BORCS5: variants seen among roughly 807,000 people sequenced by gnomAD.
BORCS5 encodes the protein BLOC-1-related complex subunit 5.
Under a neutral mutation model 22.1 loss-of-function variants are expected in BORCS5, and 17 were observed. The ratio of observed to expected loss-of-function variants is 0.77; its 90% CI spans 0.53 to 1.15. The LOEUF (loss-of-function observed/expected upper bound fraction) is 1.15. BORCS5 is among the 50% of genes most tolerant of loss of function. The pLI is 0.00. For missense variants in BORCS5, 247 were observed against 253.2 expected, an observed-to-expected ratio of 0.98 and a Z score of 0.17; for synonymous variants, 117 against 99.8, an observed-to-expected ratio of 1.17 and a Z score of -1.03.
intron 2 of BORCS5, among the ~76,000 whole-genome samples, chr12:12,376,943 C>G (rs1863668159): frequency 1.3e-5 from 2 of 152,160 alleles, no homozygotes; most frequent in Admixed American, 6.6e-5. Context: ...AACTAAGTCA[C>G]AGCTTGCTTC....
At chr12:12,384,394 T>A (rs2136048259) in intron 2 of BORCS5, among the ~76,000 whole-genome samples, 1 of 150,218 alleles carries the variant, frequency 6.7e-6, no homozygotes, top group Non-Finnish European at 1.5e-5. Flanking sequence ...TCTGTGAGCT[T>A]ATAATTGCTT....
At chr12:12,434,240 G>A (rs766515988) in intron 2 of BORCS5, among the ~76,000 whole-genome samples, 21 of 134,754 alleles carry the variant, frequency 1.6e-4, no homozygotes, top group Non-Finnish European at 2.6e-4. Context: ...CTAAGATCAC[G>A]CCACTGCACT....
intron 2 of BORCS5, among the ~76,000 whole-genome samples, chr12:12,375,879 G>A (rs1201139604): frequency 3.3e-5 from 5 of 151,508 alleles, no homozygotes; most frequent in Non-Finnish European, 7.4e-5. Flanking sequence ...ATCTCAGCTC[G>A]CTGCAACCTC....
chr12:12,392,311 C>T lies in BORCS5; in HGVS notation c.202+30962C>T, dbSNP rs78710884. ...CCAAGATCCTAAGGCCAATATACGA[C>T]GTTTTCGATCTCTGAATTATCTCCA... On this transcript the variant is annotated intron_variant, in intron 2 of 3. Transcript: ENST00000314565. Among the ~76,000 whole-genome samples the T allele has an allele frequency of 4.1e-3, 622 of 152,126 alleles. 11 individuals are homozygous for T. The highest frequency in any genetic ancestry group is 0.014 in the African/African-American group (590 of 41,446).
chr12:12,379,103 CTTCT>C (rs949915446), intron 2 of BORCS5, among the ~76,000 whole-genome samples: 2 of 150,134 alleles, frequency 1.3e-5, no homozygotes, highest in Non-Finnish European at 3.0e-5. Flanking sequence ...TTTCTTCTTT[CTTCT>C]TTCTTTTCTC....
intron 2 of BORCS5, among the ~76,000 whole-genome samples, chr12:12,369,694 T>A (rs1863480017): frequency 6.7e-6 from 1 of 149,710 alleles, no homozygotes; most frequent in African/African-American, 2.5e-5. Context: ...ATGGTGTGGT[T>A]TCATTCACCC....
chr12:12,418,415 G>A (rs1329525553), intron 2 of BORCS5, among the ~76,000 whole-genome samples: 4 of 152,076 alleles, frequency 2.6e-5, no homozygotes, highest in Non-Finnish European at 5.9e-5. Context: ...GTCAGCTACA[G>A]TAACTCACTC....
intron 2 of BORCS5, among the ~76,000 whole-genome samples, chr12:12,384,442 T>C (rs1468036642): frequency 2.7e-5 from 4 of 149,652 alleles, no homozygotes; most frequent in Non-Finnish European, 4.5e-5. Flanking sequence ...TCTTCAATAC[T>C]CAGAGGCAAT....
chr12:12,417,514 T>C (rs1031765234), intron 2 of BORCS5, among the ~76,000 whole-genome samples: 1 of 152,192 alleles, frequency 6.6e-6, no homozygotes, highest in Non-Finnish European at 1.5e-5. Flanking sequence ...TTATTACTTA[T>C]CTTCTGTTTG....
intron 3 of BORCS5, among the ~76,000 whole-genome samples, chr12:12,462,752 G>A (rs1943132305): frequency 6.6e-6 from 1 of 152,158 alleles, no homozygotes; most frequent in South Asian, 2.1e-4. Context: ...TGCCTCCTGG[G>A]TTCAAACGAT....
intron 3 of BORCS5, among the ~76,000 whole-genome samples, chr12:12,437,146 G>C (rs1942572176): frequency 2.0e-5 from 3 of 152,144 alleles, no homozygotes; most frequent in Non-Finnish European, 2.9e-5. Context: ...CATGTCATGG[G>C]AGGGACCCAG....
intron 2 of BORCS5, among the ~76,000 whole-genome samples, chr12:12,389,135 CTTTTTTTTTT>C (rs10630444): frequency 1.7e-5 from 2 of 117,878 alleles, no homozygotes; most frequent in Non-Finnish European, 3.4e-5. Context: ...CAAGTAAGTA[CTTTTTTTTTT>C]TTTTTTTTTG....
intron 3 of BORCS5, among the ~76,000 whole-genome samples, chr12:12,453,836 A>G (rs547853514): frequency 1.3e-5 from 2 of 152,186 alleles, no homozygotes; most frequent in African/African-American, 4.8e-5. Flanking sequence ...GTCACTCCCC[A>G]TACCTCTATT....
At chr12:12,373,681 T>C (rs1278449039) in intron 2 of BORCS5, among the ~76,000 whole-genome samples, 1 of 152,190 alleles carries the variant, frequency 6.6e-6, no homozygotes, top group African/African-American at 2.4e-5. Flanking sequence ...AACATATTGA[T>C]AAGCACCTGC....
chr12:12,394,401 A>G (rs568232241), intron 2 of BORCS5, among the ~76,000 whole-genome samples: 2 of 152,066 alleles, frequency 1.3e-5, no homozygotes, highest in African/African-American at 4.8e-5. Context: ...TAAAATACAC[A>G]GGAATTAATA....
At chr12:12,386,310 C>T (rs1863879387) in intron 2 of BORCS5, among the ~76,000 whole-genome samples, 2 of 148,138 alleles carry the variant, frequency 1.4e-5, no homozygotes, top group South Asian at 4.2e-4. Flanking sequence ...CCCCCATTTG[C>T]TTTTAATCTA....
intron 2 of BORCS5, among the ~76,000 whole-genome samples, chr12:12,363,503 A>G (rs1863339256): frequency 6.6e-6 from 1 of 152,184 alleles, no homozygotes; most frequent in Non-Finnish European, 1.5e-5. Flanking sequence ...TGGGAGGCCA[A>G]GGCGGGTGGA....
intron 3 of BORCS5, among the ~76,000 whole-genome samples, chr12:12,443,616 G>A (rs537300186): frequency 1.3e-5 from 2 of 152,228 alleles, no homozygotes; most frequent in East Asian, 1.9e-4. Context: ...GAAGAGGGCC[G>A]AATCTAGTTT....
intron 2 of BORCS5, among the ~76,000 whole-genome samples, chr12:12,363,261 C>T (rs897247199): frequency 1.3e-5 from 2 of 151,042 alleles, no homozygotes; most frequent in African/African-American, 4.9e-5. Flanking sequence ...CATGTCAGTA[C>T]ACTTCAGCCT....
Sources: gnomAD v4.1 joint callset for allele counts (sites outside exome capture counted in the v4.1 genomes callset) on GRCh38, gnomAD v4.1.1 for gene constraint, MANE v1.5 for transcripts, NCBI Gene and HGNC (gene_info 2026-07-23, HGNC 2026-07-21) for gene names.